The following ART3 variants were observed in gnomAD, a reference collection of about 807,000 sequenced individuals.
ART3 encodes the protein ADP-ribosyltransferase 3 (inactive).
In ART3, 49 loss-of-function variants were observed where a neutral mutation model predicts 48.5. The observed-to-expected ratio is 1.01, with a 90% CI of 0.80 to 1.28. The LOEUF (loss-of-function observed/expected upper bound fraction) is 1.28. Ranked by LOEUF, ART3 falls within the 50% of genes most tolerant of loss-of-function variation. ART3 has a pLI of 0.00. For missense variants in ART3, 438 were observed against 454.3 expected (o/e 0.96, Z 0.33); for synonymous variants, 145 against 157.2 (o/e 0.92, Z 0.58).
intron 3 of ART3, among the ~76,000 whole-genome samples, chr4:76,095,649 A>G (rs1282398752): frequency 1.3e-5 from 2 of 152,244 alleles, no homozygotes; most frequent in Non-Finnish European, 2.9e-5. Flanking sequence ...GTATGTAGCA[A>G]TAATAGTCCT....
At chr4:76,020,654 A>G (rs1578202144) in intron 1 of ART3, among the ~76,000 whole-genome samples, 2 of 152,322 alleles carry the variant, frequency 1.3e-5, no homozygotes, top group African/African-American at 4.8e-5. Context: ...AGTTTAAACT[A>G]AAGTTCCTAT....
intron 1 of ART3, 32 bp from the exon 2 acceptor site, chr4:76,075,849 T>C: frequency 6.5e-7 from 1 of 1,549,944 alleles, no homozygotes. Flanking sequence ...TTTTTGAGTC[T>C]ACTGAATTGA....
chr4:76,051,314 G>C (rs1736061297), intron 1 of ART3, among the ~76,000 whole-genome samples: 1 of 141,644 alleles, frequency 7.1e-6, no homozygotes, highest in South Asian at 2.3e-4. Context: ...TTTTTTAAGA[G>C]TTCTTAGTAG....
chr4:76,068,371 C>T (rs766508322), intron 1 of ART3, among the ~76,000 whole-genome samples: 22 of 152,116 alleles, frequency 1.4e-4, no homozygotes, highest in Non-Finnish European at 2.8e-4. Flanking sequence ...ATACAATTCA[C>T]ATACAATACC....
rs528762723 is a variant in ART3, at chr4:76,106,378, G to A, written c.1004-1383G>A. 4 of 984,554 alleles carry A rather than the reference G, an allele frequency of 4.1e-6. No homozygotes were observed. The African/African-American group carries it at 5.2e-5, about 13-fold the overall frequency. The allele number at this position is 984,554 out of a possible 1,614,324, so 61.0% of individuals were successfully genotyped here. The stretch of plus-strand genomic sequence containing the variant: ...GTCAGTCTGTAAGAAACACGAAAAG[G>A]TGGCTTGCCAGTTAGGACAGATTTA... On this transcript the variant is annotated intron_variant, in intron 10 of 11. Transcript: ENST00000355810.
chr4:76,049,695 C>A lies in ART3; in HGVS notation c.-9-26186C>A, dbSNP rs1468170425. 2.6e-5 allele frequency among the ~76,000 whole-genome samples: 4 copies of A among 152,052 alleles called. No homozygotes were observed. In the East Asian group the frequency reaches 5.8e-4, roughly 22 times the overall value. On this transcript the variant is annotated intron_variant, in intron 1 of 9. Transcript: ENST00000341029. ...AGCAAGCGAAAGGGGTCTGATGGTA[C>A]TCACTGCTTGGCGATAGGCGATTGT...
At chr4:76,062,986 C>T (rs140618743) in intron 1 of ART3, among the ~76,000 whole-genome samples, 4 of 152,200 alleles carry the variant, frequency 2.6e-5, no homozygotes, top group Admixed American at 6.5e-5. Flanking sequence ...AGTCCCTTAC[C>T]TCCTTCAGGT....
At chr4:76,081,796 A>C (rs538118338) in intron 2 of ART3, 28 bp from the exon 3 acceptor site, 2 of 1,572,236 alleles carry the variant, frequency 1.3e-6, no homozygotes, top group Non-Finnish European at 1.7e-6. Flanking sequence ...TCTTATTTCA[A>C]GAGTATTAAT....
chr4:76,065,552 A>AACACACACAC (rs56794781), intron 1 of ART3, among the ~76,000 whole-genome samples: 33,167 of 145,198 alleles, frequency 0.23, 4,275 homozygotes, highest in East Asian at 0.49. Flanking sequence ...ATAACCCTCC[A>AACACACACAC]ACACACACAC....
chr4:76,085,798 A>G (rs1723419547), intron 3 of ART3, among the ~76,000 whole-genome samples: 1 of 152,144 alleles, frequency 6.6e-6, no homozygotes, highest in African/African-American at 2.4e-5. Context: ...CTGGTCAGGC[A>G]CAGTGGCTCA....
intron 2 of ART3, among the ~76,000 whole-genome samples, chr4:76,079,006 G>A (rs936363918): frequency 9.9e-5 from 15 of 152,040 alleles, no homozygotes; most frequent in East Asian, 1.9e-4. Context: ...GCGTGAACCC[G>A]GCAGGCGGAG....
upstream of ART3, among the ~76,000 whole-genome samples, chr4:76,072,256 T>C (rs1235013728): frequency 6.6e-6 from 1 of 152,228 alleles, no homozygotes; most frequent in Non-Finnish European, 1.5e-5. Flanking sequence ...TTGTGAGTTA[T>C]TACATTTTTG....
At chr4:76,011,308 T>G (rs532820019) in exon 1 of ART3, 2 of 152,418 alleles carry the variant, frequency 1.3e-5, no homozygotes, top group Non-Finnish European at 2.9e-5. Context: ...GAGAAGCACT[T>G]TGGGGGCAAA....
chr4:76,040,525 C>G (rs1734872506), intron 1 of ART3, among the ~76,000 whole-genome samples: 1 of 85,706 alleles, frequency 1.2e-5, no homozygotes, highest in Non-Finnish European at 2.2e-5. Flanking sequence ...GGTTCTCCCC[C>G]CCGCCCCCTC....
intron 1 of ART3, among the ~76,000 whole-genome samples, chr4:76,033,028 A>T (rs1244140743): frequency 6.6e-6 from 1 of 152,072 alleles, no homozygotes; most frequent in Admixed American, 6.5e-5. Flanking sequence ...GATATATCTG[A>T]TTATAATCCT....
intron 1 of ART3, among the ~76,000 whole-genome samples, chr4:76,051,771 T>G (rs10856873): frequency 0.59 from 88,998 of 151,832 alleles, 26,941 homozygotes; most frequent in East Asian, 0.94. Flanking sequence ...CGAATTCCTG[T>G]GCCCAAGTGG....
At chr4:76,079,983 CT>C (rs577911320) in intron 2 of ART3, among the ~76,000 whole-genome samples, 9 of 151,164 alleles carry the variant, frequency 6.0e-5, no homozygotes, top group East Asian at 5.8e-4. Context: ...GAACCTGTAA[CT>C]TTTTTTTTGA....
intron 11 of ART3, among the ~76,000 whole-genome samples, chr4:76,109,591 G>T (rs1439479022): frequency 1.3e-5 from 2 of 152,122 alleles, no homozygotes; most frequent in Admixed American, 1.3e-4. Flanking sequence ...AATTGTATGT[G>T]CTATACAGTT....
At chr4:76,033,832 A>G (rs1292606410) in intron 1 of ART3, 1 of 152,262 alleles carries the variant, frequency 6.6e-6, no homozygotes, top group East Asian at 1.9e-4. Flanking sequence ...AGACAGAATT[A>G]CAAAAAGTAA....
Sources: allele counts gnomAD v4.1 joint callset (sites outside exome capture counted in the v4.1 genomes callset), GRCh38; gene constraint gnomAD v4.1.1; transcripts MANE v1.5; gene names NCBI Gene and HGNC (gene_info 2026-07-23, HGNC 2026-07-21).